MCC: variants seen among roughly 807,000 people sequenced by gnomAD.
The protein encoded by MCC is MCC regulator of Wnt signaling pathway, also known as colorectal mutant cancer protein.
In MCC, 90 loss-of-function variants were observed where a neutral mutation model predicts 116.2. The ratio of observed to expected loss-of-function variants is 0.77; its 90% confidence interval spans 0.65 to 0.92. The LOEUF is 0.92. Among genes scored for constraint, MCC ranks in the 40% least tolerant of loss-of-function variants. MCC has a pLI of 0.00. For missense variants in MCC, 1,516 were observed against 1,312.2 expected (o/e 1.16, Z -2.40); for synonymous variants, 578 against 510.5 (o/e 1.13, Z -1.78).
In MCC at chr5:113,246,502, G is replaced by C. The variant is rs1480300590; in HGVS notation, c.627+94017C>G. On this transcript the variant is annotated intron_variant, in intron 3 of 18. Transcript: ENST00000408903. ...GGGGTTGTGTAGGAGAGAAGGAATG[G>C]CTTAATTTTTAGGAAAACAGGAAAG... is the stretch of plus-strand genomic sequence containing the variant. Among the ~76,000 whole-genome samples the C allele has an allele frequency of 1.4e-4, 21 of 152,172 alleles. 1 individual carries two copies.
chr5:113,318,621 G>A (rs1212021106), intron 3 of MCC, among the ~76,000 whole-genome samples: 2 of 152,134 alleles, frequency 1.3e-5, no homozygotes, highest in Non-Finnish European at 2.9e-5. Context: ...ATAAGTGGGA[G>A]CTAAGTGAAG....
chr5:113,366,388 C>T (rs746305099), intron 2 of MCC, among the ~76,000 whole-genome samples: 3 of 152,092 alleles, frequency 2.0e-5, no homozygotes, highest in Non-Finnish European at 4.4e-5. Context: ...ATTGTAGAAA[C>T]TGAATTGCCC....
chr5:113,052,669 C>T (rs901863012), intron 15 of MCC, among the ~76,000 whole-genome samples: 5 of 152,168 alleles, frequency 3.3e-5, no homozygotes, highest in African/African-American at 1.2e-4. Context: ...TTTCTCCCTG[C>T]TGCGGACAGT....
At chr5:113,267,982 C>T (rs775560785) in intron 3 of MCC, among the ~76,000 whole-genome samples, 1 of 152,180 alleles carries the variant, frequency 6.6e-6, no homozygotes, top group Middle Eastern at 3.4e-3. Flanking sequence ...TGGATAAAAA[C>T]CCAAACCAGC....
intron 11 of MCC, 29 bp from the exon 12 acceptor site, chr5:113,071,263 C>T (rs79420400): frequency 6.8e-6 from 11 of 1,607,302 alleles, no homozygotes; most frequent in South Asian, 4.5e-5. Flanking sequence ...CAGATTCACA[C>T]TAGGGTTACA....
In MCC at chr5:113,115,190, T is replaced by G. The variant is rs184604056; in HGVS notation, c.1027+7494A>C. ...TCCGGCCCCTGCACACACTCACCTGTGTGCTCCTCCTCCCTTGAGGGGTTG... is the reference window on the plus strand; with the variant it reads ...TCCGGCCCCTGCACACACTCACCTGGGTGCTCCTCCTCCCTTGAGGGGTTG... On this transcript the variant is annotated intron_variant, in intron 6 of 18. Transcript: ENST00000408903. 4.3e-3 allele frequency among the ~76,000 whole-genome samples: 658 copies of G among 152,278 alleles called. 5 individuals are homozygous for G. The highest frequency in any genetic ancestry group is 0.015 in the African/African-American group (628 of 41,540).
At position 113,101,794 on chromosome 5, in the gene MCC, C is replaced by A. The variant is rs749827179; in HGVS notation, c.1343G>T (p.Arg448Leu). Residue 448 changes from arginine (R) to leucine (L), a missense_variant, in exon 8 of 19, where the codon CGG (arginine) becomes CTG (leucine). Transcript: ENST00000408903. The part of the protein sequence containing the change: ...MLCSKEEELN[R>L]TKATMNAIRE... ...GATGGCATTCATGGTGGCCTTAGTC[C>A]GGTTCAGTTCTTCCTCTTTGCTGCA... 1.2e-5 allele frequency: 19 copies of A among 1,613,522 alleles called. No individual in the cohort carries two copies. Among genetic ancestry groups the A allele is most frequent in the Non-Finnish European group, 1.6e-5 (19 of 1,180,026 alleles).
intron 3 of MCC, among the ~76,000 whole-genome samples, chr5:113,307,149 T>C (rs549159082): frequency 4.6e-5 from 7 of 152,310 alleles, no homozygotes; most frequent in Non-Finnish European, 7.4e-5. Context: ...TCCCTTGCAT[T>C]TCAAAGAATT....
chr5:113,274,610 C>T (rs1196771318), intron 3 of MCC, among the ~76,000 whole-genome samples: 1 of 152,166 alleles, frequency 6.6e-6, no homozygotes, highest in African/African-American at 2.4e-5. Flanking sequence ...GTCCGACCGC[C>T]TTAGTCTCCC....
chr5:113,128,332 G>A (rs1758204583), intron 5 of MCC, among the ~76,000 whole-genome samples: 1 of 152,166 alleles, frequency 6.6e-6, no homozygotes, highest in Admixed American at 6.5e-5. Flanking sequence ...TTGACCTGGT[G>A]TTTTTTGGGC....
chr5:113,307,137 A>T (rs1446853117), intron 3 of MCC, among the ~76,000 whole-genome samples: 2 of 152,166 alleles, frequency 1.3e-5, no homozygotes, highest in Admixed American at 6.5e-5. Context: ...GGCTCTTCTG[A>T]GTCCCTTGCA....
chr5:113,197,878 C>T (rs1171542198), intron 3 of MCC, among the ~76,000 whole-genome samples: 2 of 152,204 alleles, frequency 1.3e-5, no homozygotes, highest in East Asian at 1.9e-4. Context: ...TGCTGCGTTC[C>T]GTAAACCCAG....
intron 1 of MCC, among the ~76,000 whole-genome samples, chr5:113,421,614 G>A (rs1000881990): frequency 2.6e-5 from 4 of 151,960 alleles, no homozygotes; most frequent in Admixed American, 6.6e-5. Flanking sequence ...AGACCCTTTC[G>A]CTCATCTGGG....
chr5:113,402,682 T>C (rs1769726032), intron 1 of MCC, among the ~76,000 whole-genome samples: 1 of 152,172 alleles, frequency 6.6e-6, no homozygotes, highest in Non-Finnish European at 1.5e-5. Context: ...TCTCAGATTA[T>C]AATCAAAATA....
In MCC at chr5:113,309,311, C is replaced by T. The variant is rs1767079120; in HGVS notation, c.627+31208G>A. ...ATCACTCAAATAGTGTACACTGTAG[C>T]CAATAGGTAATTTTTTACCCCGTGT... On this transcript the variant is annotated intron_variant, in intron 3 of 18. Transcript: ENST00000408903. Among the ~76,000 whole-genome samples, 6 of 152,230 alleles carry T rather than the reference C, an allele frequency of 3.9e-5. No individual in the cohort carries two copies. The South Asian group carries it at 1.2e-3, about 32-fold the overall frequency.
At chr5:113,159,203 G>A (rs1003268323) in intron 3 of MCC, among the ~76,000 whole-genome samples, 2 of 152,116 alleles carry the variant, frequency 1.3e-5, no homozygotes, top group African/African-American at 4.8e-5. Context: ...GATTCTTCTG[G>A]TTTTAAACTT....
rs374638039 is a variant in MCC, at chr5:113,058,981, G to A, written c.2213+5003C>T. On this transcript the variant is annotated intron_variant, in intron 14 of 18. Coordinates refer to ENST00000408903, the MANE Select transcript of MCC (RefSeq NM_001085377.2). Reference sequence around the variant, plus strand: ...CCCAGGGAGAACGAAAGCTGCCAGTGGTTGAATGGACTTGAGAAATCACCT... The same window carrying A: ...CCCAGGGAGAACGAAAGCTGCCAGTAGTTGAATGGACTTGAGAAATCACCT... Among the ~76,000 whole-genome samples the A allele has an allele frequency of 3.0e-4, 46 of 152,284 alleles. No individual in the cohort carries two copies. In the South Asian group the frequency reaches 8.7e-3, roughly 29 times the overall value.
At chr5:113,320,599 C>T (rs571557021) in intron 3 of MCC, among the ~76,000 whole-genome samples, 1 of 152,284 alleles carries the variant, frequency 6.6e-6, no homozygotes, top group Non-Finnish European at 1.5e-5. Context: ...ATTAGGAAAG[C>T]ATACTACTTA....
chr5:113,079,509 C>A (rs567119008), intron 11 of MCC, among the ~76,000 whole-genome samples: 391 of 152,298 alleles, frequency 2.6e-3, no homozygotes, highest in Non-Finnish European at 4.4e-3. Flanking sequence ...TACCGCACAT[C>A]TACAACCATC....
Sources: gnomAD v4.1 joint callset for allele counts (sites outside exome capture counted in the v4.1 genomes callset) on GRCh38, gnomAD v4.1.1 for gene constraint, MANE v1.5 for transcripts, NCBI Gene and HGNC (gene_info 2026-07-23, HGNC 2026-07-21) for gene names.